The following ADARB2 variants were observed in gnomAD, a reference collection of about 807,000 sequenced individuals.
The protein encoded by ADARB2 is inactive double-stranded RNA-specific editase B2.
In ADARB2, 25 loss-of-function variants were observed where a neutral mutation model predicts 62.2. The ratio of observed to expected loss-of-function variants is 0.40; its 90% CI spans 0.29 to 0.56. The LOEUF is 0.56. Among genes scored for constraint, ADARB2 ranks in the 20% least tolerant of loss-of-function variants. The pLI, the probability that ADARB2 is intolerant of heterozygous loss-of-function variation, is 0.43. For missense variants in ADARB2, 1,071 were observed against 1,077.4 expected (o/e 0.99, Z 0.08); for synonymous variants, 572 against 500.8 (o/e 1.14, Z -1.90).
At chr10:1,290,888 G>T (rs1237202705) in intron 3 of ADARB2, 1 of 152,138 alleles carries the variant, frequency 6.6e-6, no homozygotes, top group Non-Finnish European at 1.5e-5. Context: ...TTGTGAAACT[G>T]GTGCTTTCTG....
intron 1 of ADARB2, among the ~76,000 whole-genome samples, chr10:1,539,400 C>A (rs993386966): frequency 1.3e-5 from 2 of 152,196 alleles, no homozygotes; most frequent in Admixed American, 6.5e-5. Context: ...CTGATGCAAA[C>A]CCATCGACCA....
chr10:1,706,242 A>T (rs1834889169), intron 1 of ADARB2, among the ~76,000 whole-genome samples: 1 of 152,226 alleles, frequency 6.6e-6, no homozygotes, highest in Non-Finnish European at 1.5e-5. Flanking sequence ...GAGCTTGACT[A>T]GGGTCAAGGC....
intron 1 of ADARB2, among the ~76,000 whole-genome samples, chr10:1,705,868 A>AT (rs200276689): frequency 7.2e-4 from 108 of 150,778 alleles, no homozygotes; most frequent in East Asian, 6.4e-3. Context: ...GCTTTGATTG[A>AT]TTTTTTTTTT....
At chr10:1,585,184 G>A (rs772406148) in intron 1 of ADARB2, among the ~76,000 whole-genome samples, 1 of 152,088 alleles carries the variant, frequency 6.6e-6, no homozygotes, top group Non-Finnish European at 1.5e-5. Context: ...TGGGCAGTGC[G>A]GACAGTGGGG....
intron 4 of ADARB2, among the ~76,000 whole-genome samples, chr10:1,264,029 A>G (rs538285699): frequency 5.9e-5 from 9 of 152,272 alleles, no homozygotes; most frequent in Admixed American, 4.6e-4. Context: ...TTTAAAATCA[A>G]TTGCCCATCA....
At chr10:1,639,566 C>T (rs769968286) in intron 1 of ADARB2, among the ~76,000 whole-genome samples, 22 of 152,184 alleles carry the variant, frequency 1.4e-4, no homozygotes, top group Non-Finnish European at 2.5e-4. Flanking sequence ...CAAAGAGGGC[C>T]GGGCGCAGTG....
intron 1 of ADARB2, among the ~76,000 whole-genome samples, chr10:1,429,382 A>G (rs1830754650): frequency 6.6e-6 from 1 of 152,190 alleles, no homozygotes; most frequent in Non-Finnish European, 1.5e-5. Flanking sequence ...TCATCACTCA[A>G]AAGTGTACCT....
intron 1 of ADARB2, among the ~76,000 whole-genome samples, chr10:1,550,437 G>C (rs1484959331): frequency 6.6e-6 from 1 of 152,168 alleles, no homozygotes; most frequent in African/African-American, 2.4e-5. Context: ...GCTGGCTCTG[G>C]AAACCTCAGA....
chr10:1,441,312 T>G (rs1373241939), intron 1 of ADARB2, among the ~76,000 whole-genome samples: 1 of 152,232 alleles, frequency 6.6e-6, no homozygotes, highest in African/African-American at 2.4e-5. Flanking sequence ...CTATCTGCTG[T>G]TTTTATTGTT....
At chr10:1,610,783 C>T (rs570679446) in intron 1 of ADARB2, among the ~76,000 whole-genome samples, 1 of 151,842 alleles carries the variant, frequency 6.6e-6, no homozygotes, top group South Asian at 2.1e-4. Flanking sequence ...CACAGACACA[C>T]ATGTGCACAG....
chr10:1,223,903 G>A (rs1050080247), intron 6 of ADARB2, among the ~76,000 whole-genome samples: 5 of 152,158 alleles, frequency 3.3e-5, no homozygotes, highest in Non-Finnish European at 5.9e-5. Flanking sequence ...TTGTGTCTCT[G>A]CCAGGCTTTG....
intron 1 of ADARB2, among the ~76,000 whole-genome samples, chr10:1,695,208 G>A (rs948043271): frequency 3.3e-5 from 5 of 152,164 alleles, no homozygotes; most frequent in African/African-American, 1.2e-4. Flanking sequence ...GACACCAGCT[G>A]CCCTGCATGG....
At chr10:1,458,932 A>G (rs1314382346) in intron 1 of ADARB2, among the ~76,000 whole-genome samples, 4 of 152,250 alleles carry the variant, frequency 2.6e-5, no homozygotes, top group African/African-American at 9.6e-5. Flanking sequence ...CAACAATCAT[A>G]TGAAAAAAAG....
intron 1 of ADARB2, among the ~76,000 whole-genome samples, chr10:1,614,842 C>T (rs111964811): frequency 0.064 from 9,723 of 151,572 alleles, 458 homozygotes; most frequent in South Asian, 0.19. Flanking sequence ...ACCTGGGAGG[C>T]GGAGCTTGCA....
intron 1 of ADARB2, among the ~76,000 whole-genome samples, chr10:1,696,315 C>T (rs569984325): frequency 6.6e-6 from 1 of 151,996 alleles, no homozygotes; most frequent in African/African-American, 2.4e-5. Flanking sequence ...TATATGTGTG[C>T]ACGTGTGTTT....
intron 4 of ADARB2, among the ~76,000 whole-genome samples, chr10:1,263,642 C>G (rs1831165353): frequency 6.6e-6 from 1 of 152,154 alleles, no homozygotes; most frequent in African/African-American, 2.4e-5. Context: ...GAGAGTGTAG[C>G]AAAAATATTT....
intron 1 of ADARB2, among the ~76,000 whole-genome samples, chr10:1,505,899 GTAATAAA>G (rs1470591135): frequency 6.6e-6 from 1 of 152,222 alleles, no homozygotes; most frequent in Non-Finnish European, 1.5e-5. Flanking sequence ...TCACAAAAAA[GTAATAAA>G]TAATCTTTCA....
rs1231622113 is a variant in ADARB2 at position 1,495,929 on chromosome 10, GT to G, written c.101-116770del. 1.5e-4 allele frequency among the ~76,000 whole-genome samples: 23 copies of G among 150,196 alleles called. 1 individual carries two copies. Among genetic ancestry groups the G allele is most frequent in the Admixed American group, 1.5e-3 (22 of 15,126 alleles). ...CATTATCACCACCATCATCATCATT[GT>G]CATCACCATCACCATCATTATTGTG... is the stretch of plus-strand genomic sequence containing the variant. On this transcript the variant is annotated intron_variant, in intron 1 of 9. Coordinates refer to ENST00000381312, the MANE Select transcript of ADARB2 (RefSeq NM_018702.4).
At chr10:1,630,919 C>G (rs1772673686) in intron 1 of ADARB2, among the ~76,000 whole-genome samples, 1 of 151,968 alleles carries the variant, frequency 6.6e-6, no homozygotes, top group Admixed American at 6.6e-5. Flanking sequence ...CATGCCATTG[C>G]ACTCCAGCCT....
Sources: allele counts gnomAD v4.1 joint callset (sites outside exome capture counted in the v4.1 genomes callset), GRCh38; gene constraint gnomAD v4.1.1; transcripts MANE v1.5; gene names NCBI Gene and HGNC (gene_info 2026-07-23, HGNC 2026-07-21).